Variants in SWT1 observed in about 807,000 individuals in gnomAD.
The protein encoded by SWT1 is transcriptional protein SWT1.
A neutral mutation model predicts 107.3 loss-of-function variants in SWT1; 33 were observed. The ratio of observed to expected loss-of-function variants is 0.31; its 90% CI spans 0.23 to 0.41. The LOEUF (loss-of-function observed/expected upper bound fraction) is 0.41. Ranked by LOEUF, SWT1 falls within the 10% of genes least tolerant of loss-of-function variation. The probability of loss-of-function intolerance (pLI) is 1.00; values close to 1 mark genes in which losing one functional copy is unlikely to be tolerated. For missense variants in SWT1, 898 were observed against 1,028.9 expected (o/e 0.87, Z 1.74); for synonymous variants, 345 against 348.3 (o/e 0.99, Z 0.11).
At chr1:185,226,865 ATCTT>A (rs962284937) in intron 15 of SWT1, 5 of 1,531,328 alleles carry the variant, frequency 3.3e-6, no homozygotes, top group Non-Finnish European at 3.5e-6. Context: ...GAGCTACCCG[ATCTT>A]TCTTCTGAGC....
At chr1:185,164,681 C>T (rs530699721) in intron 2 of SWT1, among the ~76,000 whole-genome samples, 1 of 152,296 alleles carries the variant, frequency 6.6e-6, no homozygotes, top group South Asian at 2.1e-4. Flanking sequence ...CTGAAGCTTC[C>T]TCACATCTGT....
chr1:185,241,167 C>T (rs1043558047), intron 16 of SWT1, among the ~76,000 whole-genome samples: 1 of 152,124 alleles, frequency 6.6e-6, no homozygotes, highest in Non-Finnish European at 1.5e-5. Context: ...AAGATTCTGT[C>T]ACAGGCATGC....
intron 13 of SWT1, among the ~76,000 whole-genome samples, chr1:185,211,587 A>T (rs1383241123): frequency 6.6e-6 from 1 of 152,204 alleles, no homozygotes; most frequent in African/African-American, 2.4e-5. Context: ...GAGAAATAGG[A>T]ACACTTTTAC....
chr1:185,267,060 T>C (rs1663456557), intron 16 of SWT1, among the ~76,000 whole-genome samples: 2 of 152,202 alleles, frequency 1.3e-5, no homozygotes, highest in African/African-American at 4.8e-5. Context: ...GGGAAAAATA[T>C]GAGTTCCAGA....
intron 15 of SWT1, 129 bp downstream of exon 15, chr1:185,222,165 A>G (rs774453999): frequency 3.6e-6 from 2 of 556,034 alleles, no homozygotes; most frequent in Non-Finnish European, 5.6e-6. Context: ...TAATCAAATC[A>G]GGCTAGTGAG....
chr1:185,212,482 A>G (rs1166053470), intron 13 of SWT1, among the ~76,000 whole-genome samples: 29 of 152,156 alleles, frequency 1.9e-4, no homozygotes, highest in Admixed American at 1.9e-3. Flanking sequence ...CTGAAAAATC[A>G]GTTTTGTGAT....
chr1:185,210,841 G>C (rs1284972833), intron 13 of SWT1, among the ~76,000 whole-genome samples: 2 of 152,112 alleles, frequency 1.3e-5, no homozygotes, highest in Non-Finnish European at 2.9e-5. Flanking sequence ...AGCAACTTCA[G>C]CAAAGTCTCA....
In SWT1 at chr1:185,290,939, A is replaced by G. The variant is rs76543075; in HGVS notation, c.*136A>G. 9.4e-3 allele frequency: 5,585 copies of G among 594,610 alleles called. 158 individuals are homozygous for G. The highest frequency in any genetic ancestry group is 0.085 in the East Asian group (2,497 of 29,524). The allele number at this position is 594,610 out of a possible 1,614,324, so 36.8% of individuals were successfully genotyped here. ...CATAGGTATAAAAAGGTGATCGCCT[A>G]TTACTGACAGTCTCATTGTAGCTCT... On this transcript the variant is annotated 3_prime_UTR_variant, in exon 19 of 19. Coordinates refer to ENST00000367500, the MANE Select transcript of SWT1 (RefSeq NM_017673.7).
chr1:185,259,669 C>T (rs1028545155), intron 16 of SWT1, among the ~76,000 whole-genome samples: 1 of 151,906 alleles, frequency 6.6e-6, no homozygotes, highest in African/African-American at 2.4e-5. Context: ...GGACATTGAC[C>T]TTAAGCTAAA....
At chr1:185,227,318 G>T (rs1660142865) in intron 15 of SWT1, 6 of 738,882 alleles carry the variant, frequency 8.1e-6, no homozygotes, top group Non-Finnish European at 5.0e-6. Context: ...TGTATTCATT[G>T]CCAGTCTCTT....
intron 15 of SWT1, among the ~76,000 whole-genome samples, chr1:185,223,796 T>C (rs1659852546): frequency 1.3e-5 from 2 of 152,192 alleles, no homozygotes; most frequent in South Asian, 4.1e-4. Context: ...CTCTCCCTCC[T>C]CTCACCTTCC....
intron 7 of SWT1, 34 bp downstream of exon 7, chr1:185,182,091 A>C: frequency 6.3e-7 from 1 of 1,575,418 alleles, no homozygotes; most frequent in South Asian, 1.2e-5. Flanking sequence ...ATGCTCCCCT[A>C]TGCTTTCCTA....
chr1:185,195,047 G>A (rs186241693), intron 10 of SWT1, among the ~76,000 whole-genome samples: 2 of 151,984 alleles, frequency 1.3e-5, no homozygotes, highest in African/African-American at 4.8e-5. Context: ...TATGCAGAAC[G>A]TGCAGGTTTG....
chr1:185,207,263 G>A (rs7543962), intron 13 of SWT1, among the ~76,000 whole-genome samples: 49,648 of 151,974 alleles, frequency 0.33, 8,314 homozygotes, highest in Non-Finnish European at 0.36. Flanking sequence ...TTTAGAACTG[G>A]AAGAGACCAC....
intron 16 of SWT1, among the ~76,000 whole-genome samples, chr1:185,239,759 A>G (rs1490714458): frequency 1.3e-5 from 2 of 152,080 alleles, no homozygotes; most frequent in Non-Finnish European, 2.9e-5. Flanking sequence ...TCAGTACTAC[A>G]TAGTCTTAAT....
In SWT1 at chr1:185,276,457, G is replaced by T. The variant is rs115759382; in HGVS notation, c.2509-147G>T. ...ACAGTTCCATGTTAGCATTATAGTC[G>T]TTGCACTTCTTATTGTTGCTGTTTA... On this transcript the variant is annotated intron_variant, in intron 17 of 18. Transcript: ENST00000367500. The T allele has an allele frequency of 3.7e-4, 164 of 446,752 alleles. 3 individuals are homozygous for T. The highest frequency in any genetic ancestry group is 3.2e-3 in the African/African-American group (160 of 49,266). The allele number at this position is 446,752 out of a possible 1,614,324, so 27.7% of individuals were successfully genotyped here.
At chr1:185,284,881 A>G (rs1048909179) in intron 18 of SWT1, among the ~76,000 whole-genome samples, 6 of 151,386 alleles carry the variant, frequency 4.0e-5, no homozygotes, top group South Asian at 2.1e-4. Flanking sequence ...CATTCCTCAG[A>G]TAAGTGTCTT....
intron 17 of SWT1, 83 bp from the exon 18 acceptor site, chr1:185,276,516 TTCCTC>T (rs1664250072): frequency 1.5e-6 from 1 of 654,218 alleles, no homozygotes; most frequent in Non-Finnish European, 2.5e-6. Flanking sequence ...AATTTGAACT[TTCCTC>T]TCAGAATATG....
chr1:185,194,947 G>T (rs1267199679), intron 10 of SWT1, among the ~76,000 whole-genome samples: 1 of 151,952 alleles, frequency 6.6e-6, no homozygotes, highest in Non-Finnish European at 1.5e-5. Flanking sequence ...TGCAGATTTT[G>T]GGGCTCACTT....
Sources: gnomAD v4.1 joint callset for allele counts (sites outside exome capture counted in the v4.1 genomes callset) on GRCh38, gnomAD v4.1.1 for gene constraint, MANE v1.5 for transcripts, NCBI Gene and HGNC (gene_info 2026-07-23, HGNC 2026-07-21) for gene names.